The following PHACTR2 variants were observed in gnomAD, a reference collection of about 807,000 sequenced individuals.
PHACTR2 encodes the protein phosphatase and actin regulator 2.
PHACTR2 carries 30 observed loss-of-function variants against 76.0 expected under a neutral mutation model. The ratio of observed to expected loss-of-function variants is 0.39; its 90% CI spans 0.30 to 0.54. The LOEUF is 0.54. Ranked by LOEUF, PHACTR2 falls within the 20% of genes least tolerant of loss-of-function variation. PHACTR2 has a pLI of 0.61. For missense variants in PHACTR2, 696 were observed against 781.1 expected, an observed-to-expected ratio of 0.89 and a Z score of 1.30; for synonymous variants, 292 against 292.5, an observed-to-expected ratio of 1.00 and a Z score of 0.02.
At position 143,809,834 on chromosome 6, in the gene PHACTR2, G is replaced by A; in HGVS notation, c.1922+2701G>A. Among the ~76,000 whole-genome samples, 1 of 152,066 alleles carries A rather than the reference G, an allele frequency of 6.6e-6. No homozygotes were observed. The highest frequency in any genetic ancestry group is 1.9e-4 in the East Asian group (1 of 5,186). ...ATAATAATATATATCTCATTCAGCT[G>A]GATGCAGTGGCTCAGGCCTGTAATC... On this transcript the variant is annotated intron_variant, in intron 12 of 12. Transcript: ENST00000440869. This position sits in a 1 kb window ranked among gnomAD's most constrained non-coding sequence, Gnocchi z 4.2.
intron 2 of PHACTR2, among the ~76,000 whole-genome samples, chr6:143,728,701 T>A (rs2128465108): frequency 6.6e-6 from 1 of 152,278 alleles, no homozygotes; most frequent in East Asian, 1.9e-4. Flanking sequence ...AGCCAACTGA[T>A]TTTTGATAAA....
In PHACTR2 at chr6:143,731,923, T is replaced by A. The variant is rs1442945727; in HGVS notation, c.215-17062T>A. On this transcript the variant is annotated intron_variant, in intron 2 of 12. Transcript: ENST00000440869. This position sits in a 1 kb window ranked among gnomAD's most constrained non-coding sequence, Gnocchi z 4.9. ...GTTATAGGACCATTCAGGTGATCTC[T>A]TTTAACTTGGGTAAGTTTAAGCAGG... 6.6e-6 allele frequency among the ~76,000 whole-genome samples: 1 copy of A among 152,256 alleles called. No individual in the cohort carries two copies. The highest frequency in any genetic ancestry group is 1.9e-4 in the East Asian group (1 of 5,204).
intron 1 of PHACTR2, among the ~76,000 whole-genome samples, chr6:143,642,941 T>C (rs565718410): frequency 2.6e-5 from 4 of 152,354 alleles, no homozygotes; most frequent in African/African-American, 9.6e-5. Flanking sequence ...AACCCTAGCA[T>C]ACTAATAGTT....
rs894736849 is a variant in PHACTR2 at position 143,700,577 on chromosome 6, C to A, written c.47-11439C>A. Among the ~76,000 whole-genome samples, 1 of 151,782 alleles carries A rather than the reference C, an allele frequency of 6.6e-6. No individual in the cohort carries two copies. Among genetic ancestry groups the A allele is most frequent in the African/African-American group, 2.4e-5 (1 of 41,304 alleles). On this transcript the variant is annotated intron_variant, in intron 1 of 12. Transcript: ENST00000440869. This position sits in a 1 kb window ranked among gnomAD's most constrained non-coding sequence, Gnocchi z 4.1. ...GATTGGGGGCAGTGGGGAGGGGGGG[C>A]GAGAGGAGAACTGTGATATTTCAGT... is the stretch of plus-strand genomic sequence containing the variant.
At chr6:143,564,261 G>T (rs1156604483) in intron 1 of PHACTR2, among the ~76,000 whole-genome samples, 2 of 116,410 alleles carry the variant, frequency 1.7e-5, no homozygotes, top group African/African-American at 3.2e-5. Flanking sequence ...TCTAACCTTG[G>T]CAACAGAGTG....
rs1175040117 is a variant in PHACTR2 at position 143,621,607 on chromosome 6, T to C, written c.13+13285T>C. Reference sequence around the variant, plus strand: ...AATAGTGTGGGATTGTGCAAAGGAATGGAATTAGAGTTGTAAAAGAAGAAT... The same window carrying C: ...AATAGTGTGGGATTGTGCAAAGGAACGGAATTAGAGTTGTAAAAGAAGAAT... On this transcript the variant is annotated intron_variant, in intron 1 of 11. Coordinates refer to the PHACTR2 transcript ENST00000305766. This position sits in a 1 kb window ranked among gnomAD's most constrained non-coding sequence, Gnocchi z 4.1. 6.6e-6 allele frequency among the ~76,000 whole-genome samples: 1 copy of C among 152,186 alleles called. No homozygotes were observed. The highest frequency in any genetic ancestry group is 1.9e-4 in the East Asian group (1 of 5,198).
intron 1 of PHACTR2, among the ~76,000 whole-genome samples, chr6:143,565,817 A>G (rs1338906359): frequency 6.6e-6 from 1 of 152,078 alleles, no homozygotes; most frequent in Non-Finnish European, 1.5e-5. Context: ...TGGTTGCTGC[A>G]GGGTGGAGTG....
In PHACTR2 at chr6:143,647,531, G is replaced by A. The variant is rs1352912825; in HGVS notation, c.13+39209G>A. Among the ~76,000 whole-genome samples, 3 of 152,230 alleles carry A rather than the reference G, an allele frequency of 2.0e-5. No homozygotes were observed. The stretch of plus-strand genomic sequence containing the variant: ...CCCTCATGGGCTTGCATTCCATTGA[G>A]ACAGATACATTTCTCAGTGCTTAAT... On this transcript the variant is annotated intron_variant, in intron 1 of 11. Coordinates refer to the PHACTR2 transcript ENST00000305766. The surrounding 1 kb of genome is among the most constrained non-coding windows in gnomAD (Gnocchi z 4.2).
intron 2 of PHACTR2, among the ~76,000 whole-genome samples, chr6:143,748,687 A>G (rs1779121471): frequency 6.6e-6 from 1 of 152,236 alleles, no homozygotes; most frequent in Non-Finnish European, 1.5e-5. Context: ...CTTCAGCGTG[A>G]GAAGCAGGCT....
intron 1 of PHACTR2, among the ~76,000 whole-genome samples, chr6:143,586,043 T>C (rs961432902): frequency 1.3e-5 from 2 of 152,244 alleles, no homozygotes; most frequent in East Asian, 1.9e-4. Context: ...AGATTTTTGT[T>C]ATTGTTATTT....
rs1310690756 is a variant in PHACTR2, at chr6:143,562,884, A to T, written c.217+25677A>T. 6.6e-6 allele frequency among the ~76,000 whole-genome samples: 1 copy of T among 152,216 alleles called. No homozygotes were observed. The highest frequency in any genetic ancestry group is 2.4e-5 in the African/African-American group (1 of 41,462). On this transcript the variant is annotated intron_variant, in intron 1 of 11. Coordinates refer to the PHACTR2 transcript ENST00000367584. The surrounding 1 kb of genome is among the most constrained non-coding windows in gnomAD (Gnocchi z 5.1). ...AATGAAATAAGCCAGACACAGATGG[A>T]TAAATATTGTATGATTCCACGTAGA...
rs6940160 is a variant in PHACTR2 at position 143,553,980 on chromosome 6, G to C, written c.217+16773G>C. On this transcript the variant is annotated intron_variant, in intron 1 of 11. Coordinates refer to the PHACTR2 transcript ENST00000367584. The surrounding 1 kb of genome is among the most constrained non-coding windows in gnomAD (Gnocchi z 4.2). ...GGCAAAGGCCCCAAGGAACAGAAAA[G>C]AATCCCGGGTTGGGCCCCTGTAGAC... Among the ~76,000 whole-genome samples, 1 of 152,182 alleles carries C rather than the reference G, an allele frequency of 6.6e-6. No individual in the cohort carries two copies.
upstream of PHACTR2, among the ~76,000 whole-genome samples, chr6:143,676,467 T>G (rs1777246962): frequency 6.6e-6 from 1 of 152,218 alleles, no homozygotes; most frequent in African/African-American, 2.4e-5. This position sits in a 1 kb window ranked among gnomAD's most constrained non-coding sequence, Gnocchi z 4.8. Context: ...CTCTGATCAG[T>G]GACCTCCCTT....
At chr6:143,542,709 G>A (rs1268218453) in intron 1 of PHACTR2, among the ~76,000 whole-genome samples, 1 of 152,160 alleles carries the variant, frequency 6.6e-6, no homozygotes, top group Non-Finnish European at 1.5e-5. Flanking sequence ...CTCTTGCCTT[G>A]TGTTTACCTG....
At chr6:143,715,259 A>C (rs147801673) in intron 2 of PHACTR2, among the ~76,000 whole-genome samples, 1 of 152,242 alleles carries the variant, frequency 6.6e-6, no homozygotes, top group East Asian at 1.9e-4. Context: ...TAATTTACAA[A>C]AGCTACCATT....
At chr6:143,544,521 A>G (rs1272345358) in intron 1 of PHACTR2, among the ~76,000 whole-genome samples, 1 of 152,158 alleles carries the variant, frequency 6.6e-6, no homozygotes, top group Non-Finnish European at 1.5e-5. Context: ...TGACCTGAAA[A>G]TAATTAGTAA....
chr6:143,771,170 ATATG>A (rs1306652109), intron 6 of PHACTR2, among the ~76,000 whole-genome samples: 533 of 27,524 alleles, frequency 0.019, 21 homozygotes, highest in African/African-American at 0.067. Context: ...ATATATATAT[ATATG>A]TATATATATA....
Position 143,795,363 on chromosome 6 carries a change from G to C in PHACTR2, c.1845+6453G>C, listed in dbSNP as rs1184578046. On this transcript the variant is annotated intron_variant, in intron 11 of 12. Coordinates refer to ENST00000440869, the MANE Select transcript of PHACTR2 (RefSeq NM_001100164.2). This position sits in a 1 kb window ranked among gnomAD's most constrained non-coding sequence, Gnocchi z 4.8. The stretch of plus-strand genomic sequence containing the variant: ...TGGGAGTTCAAGACTGCAATGAGCT[G>C]TGATTGTGCCACTGCACTGCAGCCT... Among the ~76,000 whole-genome samples the C allele has an allele frequency of 6.6e-6, 1 of 152,180 alleles. No individual in the cohort carries two copies. The highest frequency in any genetic ancestry group is 1.5e-5 in the Non-Finnish European group (1 of 68,018).
In PHACTR2 at chr6:143,789,657, G is replaced by C. The variant is rs561503462; in HGVS notation, c.1845+747G>C. On this transcript the variant is annotated intron_variant, in intron 11 of 12. Transcript: ENST00000440869. This position sits in a 1 kb window ranked among gnomAD's most constrained non-coding sequence, Gnocchi z 5.1. ...GCAAAATCTGGTATTGAATAAACTCGTGCTATACCCAGTTTTTTTTAATCA... is the reference window on the plus strand; with the variant it reads ...GCAAAATCTGGTATTGAATAAACTCCTGCTATACCCAGTTTTTTTTAATCA... Among the ~76,000 whole-genome samples the C allele has an allele frequency of 6.6e-6, 1 of 152,140 alleles. No homozygotes were observed. The highest frequency in any genetic ancestry group is 2.1e-4 in the South Asian group (1 of 4,822).
Sources: allele counts gnomAD v4.1 joint callset (sites outside exome capture counted in the v4.1 genomes callset), GRCh38; gene constraint gnomAD v4.1.1; non-coding constraint Gnocchi (gnomAD v3.1); transcripts MANE v1.5; gene names NCBI Gene and HGNC (gene_info 2026-07-23, HGNC 2026-07-21).